Variants in RPLP0 observed in about 807,000 individuals in gnomAD.
RPLP0 encodes the protein large ribosomal subunit protein uL10.
For missense variants in RPLP0, 276 were observed against 402.9 expected (o/e 0.69, Z 2.70); for synonymous variants, 137 against 153.4 (o/e 0.89, Z 0.79).
chr12:120,200,640 G>A, intron 2 of RPLP0, 90 bp downstream of exon 2: 5 of 1,405,360 alleles, frequency 3.6e-6, no homozygotes, highest in South Asian at 1.3e-5. Context: ...TCAGTAGCCG[G>A]TGTGAGTAGA....
At chr12:120,200,481 G>A (rs1389619844) in intron 2 of RPLP0, 3 of 482,270 alleles carry the variant, frequency 6.2e-6, no homozygotes, top group Non-Finnish European at 1.1e-5. Context: ...AAAGTATAAA[G>A]CGCGCTCTTT....
chr12:120,200,531 A>C, intron 2 of RPLP0, 199 bp downstream of exon 2: 1 of 580,398 alleles, frequency 1.7e-6, no homozygotes, highest in Non-Finnish European at 3.0e-6. Context: ...CTGTCATCTT[A>C]GGACCCACTT....
In RPLP0 at chr12:120,200,738, T is replaced by G. The variant is rs1334066077; in HGVS notation, c.46A>C (p.Lys16Gln). Residue 16 changes from lysine to glutamine, a missense_variant, in exon 2 of 8, where the codon AAG becomes CAG. Lys to Gln is a moderately conservative substitution (Grantham distance 53). Coordinates refer to ENST00000392514, the MANE Select transcript of RPLP0 (RefSeq NM_001002.4). ...ACCCACCCTGCACTTACGATGATCTTAAGGAAGTAGTTGGACTTCCAGGTC... is the reference window on the plus strand; with the variant it reads ...ACCCACCCTGCACTTACGATGATCTGAAGGAAGTAGTTGGACTTCCAGGTC... ...RATWKSNYFL[K>Q]IIQLLDDYPK... The G allele has an allele frequency of 6.2e-7, 1 of 1,611,328 alleles. No homozygotes were observed. The highest frequency in any genetic ancestry group is 1.3e-5 in the African/African-American group (1 of 74,856).
intron 2 of RPLP0, chr12:120,199,692 A>G: frequency 1.8e-6 from 1 of 566,638 alleles, no homozygotes; most frequent in Non-Finnish European, 3.1e-6. Flanking sequence ...AGGTTTCTAC[A>G]TTCAATCAAG....
At chr12:120,200,639 G>C in intron 2 of RPLP0, 91 bp downstream of exon 2, 1 of 1,392,096 alleles carries the variant, frequency 7.2e-7, no homozygotes, top group South Asian at 1.3e-5. Context: ...TTCAGTAGCC[G>C]GTGTGAGTAG....
intron 2 of RPLP0, 197 bp downstream of exon 2, chr12:120,200,533 G>A (rs1015947382): frequency 8.6e-6 from 5 of 580,612 alleles, no homozygotes; most frequent in East Asian, 5.8e-5. Flanking sequence ...GTCATCTTAG[G>A]ACCCACTTAA....
intron 1 of RPLP0, 32 bp downstream of exon 1, chr12:120,201,051 A>AC: frequency 2.2e-6 from 1 of 445,850 alleles, no homozygotes; most frequent in Non-Finnish European, 3.9e-6. Context: ...CCCGCCGGCG[A>AC]CCCCTGGCGC....
intron 2 of RPLP0, 38 bp from the exon 3 acceptor site, chr12:120,199,523 AAGAG>A (rs752836176): frequency 1.3e-6 from 2 of 1,592,732 alleles, no homozygotes; most frequent in Non-Finnish European, 1.7e-6. Flanking sequence ...GTTTAACAGG[AAGAG>A]AGAGGGAAAA....
chr12:120,198,214 G>A lies in RPLP0; in HGVS notation c.651+340C>T. 3.3e-6 allele frequency: 1 copy of A among 300,342 alleles called. No individual in the cohort carries two copies. Among genetic ancestry groups the A allele is most frequent in the Non-Finnish European group, 6.5e-6 (1 of 153,396 alleles). The allele number at this position is 300,342 out of a possible 1,614,324, so 18.6% of individuals were successfully genotyped here. ...TCGACACCATCCTGGCTAACGCGGT[G>A]AAACCTAAAAATACAAAAAAATTAG... On this transcript the variant is annotated intron_variant, in intron 6 of 7. Coordinates refer to ENST00000392514, the MANE Select transcript of RPLP0 (RefSeq NM_001002.4). This position sits in a 1 kb window ranked among gnomAD's most constrained non-coding sequence, Gnocchi z 4.1.
In RPLP0 at chr12:120,198,351, A is replaced by C. The variant is rs1428388101; in HGVS notation, c.651+203T>G. 58 of 565,616 alleles carry C rather than the reference A, an allele frequency of 1.0e-4. No individual in the cohort carries two copies. Among genetic ancestry groups the C allele is most frequent in the Admixed American group, 2.8e-4 (9 of 31,926 alleles). The allele number at this position is 565,616 out of a possible 1,614,324, so 35.0% of individuals were successfully genotyped here. A position where few individuals can be genotyped will look rare whatever the true frequency, so the allele number is the denominator to read the frequency against. On this transcript the variant is annotated intron_variant, in intron 6 of 7. Coordinates refer to ENST00000392514, the MANE Select transcript of RPLP0 (RefSeq NM_001002.4). The surrounding 1 kb of genome is among the most constrained non-coding windows in gnomAD (Gnocchi z 4.1). ...GTGAGCCGGGAGATTGTGCCACTGC[A>C]CTCCAGCCTGGGCGACACAGCAAGA... is the stretch of plus-strand genomic sequence containing the variant.
At position 120,198,024 on chromosome 12, in the gene RPLP0, A is replaced by C. The variant is rs962806277; in HGVS notation, c.651+530T>G. Among the ~76,000 whole-genome samples the C allele has an allele frequency of 1.3e-4, 20 of 151,982 alleles. No homozygotes were observed. The highest frequency in any genetic ancestry group is 1.3e-3 in the Admixed American group (20 of 15,248). ...GCTCACCGCAACCTCCACCTCTTAA[A>C]AGGCTTTTGATGGCAAAATGTGAGT... is the stretch of plus-strand genomic sequence containing the variant. On this transcript the variant is annotated intron_variant, in intron 6 of 7. Coordinates refer to ENST00000392514, the MANE Select transcript of RPLP0 (RefSeq NM_001002.4). The surrounding 1 kb of genome is among the most constrained non-coding windows in gnomAD (Gnocchi z 4.1).
rs1879226359 is a variant in RPLP0, at chr12:120,197,476, G to A, written c.652-14C>T. 6.2e-7 allele frequency: 1 copy of A among 1,613,234 alleles called. No homozygotes were observed. Among genetic ancestry groups the A allele is most frequent in the Non-Finnish European group, 8.5e-7 (1 of 1,179,482 alleles). ...ATTGCGGACACCCTGGGGGAGGGAA[G>A]ATTTCATTTTACGTGAGATTCCCTA... On this transcript the variant is annotated splice_polypyrimidine_tract_variant and intron_variant, in intron 6 of 7. Coordinates refer to ENST00000392514, the MANE Select transcript of RPLP0 (RefSeq NM_001002.4).
intron 4 of RPLP0, 41 bp downstream of exon 4, chr12:120,199,077 C>A (rs1242726597): frequency 1.2e-6 from 2 of 1,610,698 alleles, no homozygotes; most frequent in Non-Finnish European, 1.7e-6. Context: ...CTTTAAGGAG[C>A]AACAACAAAG....
Position 120,198,415 on chromosome 12 carries a change from A to C in RPLP0, c.651+139T>G. ...AAAAAAAAAAAAAAATCCTTCAACA[A>C]TCTTATGTTGTTACTGACATTTTAC... On this transcript the variant is annotated intron_variant, in intron 6 of 7. Transcript: ENST00000392514. The surrounding 1 kb of genome is among the most constrained non-coding windows in gnomAD (Gnocchi z 4.1). 1 of 942,566 alleles carries C rather than the reference A, an allele frequency of 1.1e-6. No individual in the cohort carries two copies. Among genetic ancestry groups the C allele is most frequent in the Non-Finnish European group, 1.6e-6 (1 of 632,980 alleles). The allele number at this position is 942,566 out of a possible 1,614,324, so 58.4% of individuals were successfully genotyped here.
In RPLP0 at chr12:120,198,514, A is replaced by G. The variant is rs770051910; in HGVS notation, c.651+40T>C. 19 of 1,612,166 alleles carry G rather than the reference A, an allele frequency of 1.2e-5. No individual in the cohort carries two copies. In the South Asian group the frequency reaches 1.5e-4, roughly 13 times the overall value. On this transcript the variant is annotated intron_variant, in intron 6 of 7. Coordinates refer to ENST00000392514, the MANE Select transcript of RPLP0 (RefSeq NM_001002.4). This position sits in a 1 kb window ranked among gnomAD's most constrained non-coding sequence, Gnocchi z 4.1. ...TCAGTCTGAACCTTGTCATGCTCTC[A>G]ACCATCAGTGTAAGAGGGGGCAAGG...
Position 120,198,446 on chromosome 12 carries a change from A to G in RPLP0, c.651+108T>C. 9.1e-7 allele frequency: 1 copy of G among 1,101,184 alleles called. No individual in the cohort carries two copies. The highest frequency in any genetic ancestry group is 1.4e-5 in the South Asian group (1 of 73,920). The allele number at this position is 1,101,184 out of a possible 1,614,324, so 68.2% of individuals were successfully genotyped here. ...TGTTGTTACTGACATTTTACAGATG[A>G]GGTAGGTAGACAGATGAAAACACAG... On this transcript the variant is annotated intron_variant, in intron 6 of 7. Transcript: ENST00000392514. The surrounding 1 kb of genome is among the most constrained non-coding windows in gnomAD (Gnocchi z 4.1).
intron 2 of RPLP0, chr12:120,200,126 C>A: frequency 2.2e-6 from 1 of 455,980 alleles, no homozygotes; most frequent in Non-Finnish European, 4.4e-6. Context: ...TGCTTCCTTA[C>A]AATGAGTCAT....
In RPLP0 at chr12:120,198,402, A is replaced by AAAAC. The variant is rs1555304472; in HGVS notation, c.651+151_651+152insGTTT. On this transcript the variant is annotated intron_variant, in intron 6 of 7. Transcript: ENST00000392514. This position sits in a 1 kb window ranked among gnomAD's most constrained non-coding sequence, Gnocchi z 4.1. ...CTCTGTCTCCAAAAAAAAAAAAAAA[A>AAAAC]AATCCTTCAACAATCTTATGTTGTT... 24 of 821,364 alleles carry AAAAC rather than the reference A, an allele frequency of 2.9e-5. No homozygotes were observed. Among genetic ancestry groups the AAAAC allele is most frequent in the East Asian group, 1.1e-4 (4 of 35,052 alleles). 50.9% of individuals were successfully genotyped at this position (821,364 alleles called of 1,614,324 possible).
In RPLP0 at chr12:120,197,370, G is replaced by A. The variant is rs1879221068; in HGVS notation, c.744C>T (p.Val248=). The change falls in exon 7 of 8, where the codon GTC becomes GTT. Residue 248 remains valine (V), a synonymous_variant. Transcript: ENST00000392514. ...AATCCGTCTCCACAGACAAGGCCAG[G>A]ACTCGTTTGTACCCGTTGATGATAG... ...PHSIINGYKR[V]LALSVETDYT... The A allele has an allele frequency of 6.2e-7, 1 of 1,613,752 alleles. No individual in the cohort carries two copies.
Sources: gnomAD v4.1 joint callset for allele counts (sites outside exome capture counted in the v4.1 genomes callset) on GRCh38, gnomAD v4.1.1 for gene constraint, Gnocchi (gnomAD v3.1) non-coding constraint, MANE v1.5 for transcripts, NCBI Gene and HGNC (gene_info 2026-07-23, HGNC 2026-07-21) for gene names.